Variants in ABCC10 observed in about 807,000 individuals in gnomAD.
The protein encoded by ABCC10 is ATP binding cassette subfamily C member 10, also known as ATP-binding cassette sub-family C member 10.
ABCC10 carries 110 observed loss-of-function variants against 143.2 expected under a neutral mutation model. The observed-to-expected ratio is 0.77, with a 90% CI of 0.66 to 0.90. The LOEUF (loss-of-function observed/expected upper bound fraction) is 0.90. ABCC10 is among the 40% of genes least tolerant of loss of function. The pLI is 0.00. For synonymous variants in ABCC10, 805 were observed against 846.7 expected (o/e 0.95, Z 0.85); for missense variants, 1,700 against 1,900.5 (o/e 0.89, Z 1.96).
intron 14 of ABCC10, 45 bp downstream of exon 14, chr6:43,445,359 C>A: frequency 1.9e-6 from 3 of 1,572,128 alleles, no homozygotes; most frequent in South Asian, 1.1e-5. Flanking sequence ...AGTCCTAGCC[C>A]CTGTGGAGTG....
rs1313787039 is a variant in ABCC10, at chr6:43,445,308, C to T, written c.3024C>T (p.Val1008=). 1 of 1,613,228 alleles carries T rather than the reference C, an allele frequency of 6.2e-7. No homozygotes were observed. Among genetic ancestry groups the T allele is most frequent in the Admixed American group, 1.7e-5 (1 of 59,880 alleles). ...ATLHRRLLHR[V]LMAPVTFFNA... Reference sequence around the variant, plus strand: ...TGCATCGCCGCCTGCTGCATCGAGTCCTTATGGTGAGGGGCTGGGACCTCG... The same window carrying T: ...TGCATCGCCGCCTGCTGCATCGAGTTCTTATGGTGAGGGGCTGGGACCTCG... The change falls in exon 14 of 22, where the codon GTC becomes GTT. Residue 1008 remains valine, a synonymous_variant. Transcript: ENST00000372530.
At chr6:43,431,928 G>A in intron 2 of ABCC10, 1 of 1,396,082 alleles carries the variant, frequency 7.2e-7, no homozygotes. Flanking sequence ...CAGGTGGCCG[G>A]TTAGCTCAGT....
intron 18 of ABCC10, 128 bp downstream of exon 18, chr6:43,448,065 G>A (rs1783312680): frequency 3.5e-6 from 5 of 1,428,736 alleles, no homozygotes; most frequent in Non-Finnish European, 4.8e-6. Context: ...TGAAATGGAG[G>A]ACAGGATGAG....
At chr6:43,438,443 C>A (rs766951096) in intron 7 of ABCC10, 181 bp from the exon 8 acceptor site, 1 of 1,430,740 alleles carries the variant, frequency 7.0e-7, no homozygotes, top group African/African-American at 1.4e-5. Context: ...TTCCCTTCTT[C>A]GCCCAGAATG....
At chr6:43,440,488 C>T (rs1043972810) in intron 8 of ABCC10, among the ~76,000 whole-genome samples, 15 of 151,490 alleles carry the variant, frequency 9.9e-5, no homozygotes, top group Non-Finnish European at 1.8e-4. Context: ...ATTGGCCAGG[C>T]GTGGTGGCTC....
At chr6:43,438,917 A>G (rs1221239886) in intron 8 of ABCC10, 122 bp downstream of exon 8, 50 of 1,220,656 alleles carry the variant, frequency 4.1e-5, no homozygotes, top group Non-Finnish European at 5.2e-5. Flanking sequence ...TTATCTAGGA[A>G]TGGCCATCGG....
downstream of ABCC10, chr6:43,450,593 C>A (rs745973388): frequency 3.1e-6 from 5 of 1,592,198 alleles, no homozygotes; most frequent in African/African-American, 6.7e-5. The surrounding 1 kb of genome is among the most constrained non-coding windows in gnomAD (Gnocchi z 4.5). Flanking sequence ...GCAGGGGGAG[C>A]CCTGCTGGCA....
At position 43,443,378 on chromosome 6, in the gene ABCC10, G is replaced by A. The variant is rs1782690456; in HGVS notation, c.2416+219G>A. The A allele has an allele frequency of 2.1e-6, 1 of 475,016 alleles. No individual in the cohort carries two copies. The allele number at this position is 475,016 out of a possible 1,614,324, so 29.4% of individuals were successfully genotyped here. A position where few individuals can be genotyped will look rare whatever the true frequency, so the allele number is the denominator to read the frequency against. ...TTGGGACTCATGGGCTTTGTGACTGGGTGCTCTTGGGAACTTAAAGGCCCA... is the reference window on the plus strand; with the variant it reads ...TTGGGACTCATGGGCTTTGTGACTGAGTGCTCTTGGGAACTTAAAGGCCCA... On this transcript the variant is annotated intron_variant, in intron 10 of 21. Transcript: ENST00000372530. The surrounding 1 kb of genome is among the most constrained non-coding windows in gnomAD (Gnocchi z 4.2).
chr6:43,436,358 A>G, intron 6 of ABCC10, 111 bp downstream of exon 6: 1 of 1,347,582 alleles, frequency 7.4e-7, no homozygotes, highest in Non-Finnish European at 1.0e-6. Flanking sequence ...TGCAGCTCTA[A>G]TTGCTGCAGG....
chr6:43,431,702 C>T (rs938661573), intron 2 of ABCC10: 3 of 660,672 alleles, frequency 4.5e-6, no homozygotes, highest in African/African-American at 2.0e-5. Context: ...GGCATATGTG[C>T]TTGTTTGTTA....
At chr6:43,437,433 C>A (rs1335029323) in intron 6 of ABCC10, among the ~76,000 whole-genome samples, 1 of 102,394 alleles carries the variant, frequency 9.8e-6, no homozygotes, top group Non-Finnish European at 1.7e-5. Flanking sequence ...AACATATGAC[C>A]AAAAAAAAAA....
chr6:43,432,981 C>T lies in ABCC10; in HGVS notation c.1001C>T (p.Ala334Val). The T allele has an allele frequency of 6.2e-7, 1 of 1,614,162 alleles. No individual in the cohort carries two copies. The highest frequency in any genetic ancestry group is 8.5e-7 in the Non-Finnish European group (1 of 1,180,026). The stretch of plus-strand genomic sequence containing the variant: ...TATGCTCTGGGGCTAGCCGGTGGGG[C>T]TGTGCTGGGTGCTGTGCTGCAGAAT... ...LLYALGLAGG[A>V]VLGAVLQNQY... is the part of the protein sequence containing the mutation. The change falls in exon 3 of 22, where the codon GCT (alanine) becomes GTT (valine). Residue 334 changes from alanine to valine, a missense_variant. Ala to Val is a moderately conservative substitution (Grantham distance 64). Transcript: ENST00000372530.
intron 12 of ABCC10, 147 bp downstream of exon 12, chr6:43,444,500 GC>G: frequency 8.7e-7 from 1 of 1,153,490 alleles, no homozygotes; most frequent in Non-Finnish European, 1.2e-6. Flanking sequence ...TCTGAGAGAT[GC>G]CCAGGGGCCA....
chr6:43,449,922 C>G lies in ABCC10; in HGVS notation c.4317-7C>G, dbSNP rs767521565. Reference sequence around the variant, plus strand: ...ATCCCCTACACTGACCATCTTCCCCCTCACAGGCTCAACACGATCCTGAAC... The same window carrying G: ...ATCCCCTACACTGACCATCTTCCCCGTCACAGGCTCAACACGATCCTGAAC... On this transcript the variant is annotated splice_polypyrimidine_tract_variant and splice_region_variant and intron_variant, in intron 21 of 21. Coordinates refer to ENST00000372530, the MANE Select transcript of ABCC10 (RefSeq NM_001198934.2). The G allele has an allele frequency of 6.2e-7, 1 of 1,613,980 alleles. No homozygotes were observed. The highest frequency in any genetic ancestry group is 1.7e-5 in the Admixed American group (1 of 60,018).
chr6:43,432,114 G>A, intron 2 of ABCC10, 28 bp from the exon 3 acceptor site: 2 of 1,609,272 alleles, frequency 1.2e-6, no homozygotes, highest in South Asian at 1.1e-5. Flanking sequence ...GCCACGATGT[G>A]CCTCCTTGTC....
At chr6:43,451,043 A>G, downstream of ABCC10, 1 of 1,614,226 alleles carries the variant, frequency 6.2e-7, no homozygotes, top group Non-Finnish European at 8.5e-7. This position sits in a 1 kb window ranked among gnomAD's most constrained non-coding sequence, Gnocchi z 4.4. Flanking sequence ...GGCGGCTGGC[A>G]CAGTCATCCA....
chr6:43,446,226 G>C, intron 15 of ABCC10, 51 bp from the exon 16 acceptor site: 1 of 1,578,012 alleles, frequency 6.3e-7, no homozygotes, highest in African/African-American at 1.3e-5. Flanking sequence ...CTGAGGCTGG[G>C]TGGCTCAGGG....
At chr6:43,434,893 C>T (rs191790837) in intron 4 of ABCC10, 45 bp downstream of exon 4, 188 of 1,583,754 alleles carry the variant, frequency 1.2e-4, no homozygotes, top group Non-Finnish European at 6.8e-5. Context: ...GAGACTTCAG[C>T]GAAGTGAAGA....
intron 2 of ABCC10, among the ~76,000 whole-genome samples, chr6:43,429,114 G>T (rs1780817991): frequency 6.6e-6 from 1 of 152,172 alleles, no homozygotes; most frequent in Non-Finnish European, 1.5e-5. Flanking sequence ...TGCTGAGAAG[G>T]GTTAGAGAGA....
Sources: gnomAD v4.1 joint callset for allele counts (sites outside exome capture counted in the v4.1 genomes callset) on GRCh38, gnomAD v4.1.1 for gene constraint, Gnocchi (gnomAD v3.1) non-coding constraint, MANE v1.5 for transcripts, NCBI Gene and HGNC (gene_info 2026-07-23, HGNC 2026-07-21) for gene names.